P4HA2: variants seen among roughly 807,000 people sequenced by gnomAD.
P4HA2 encodes the protein prolyl 4-hydroxylase subunit alpha-2.
Under a neutral mutation model 76.9 loss-of-function variants are expected in P4HA2, and 46 were observed. The observed-to-expected ratio is 0.60, with a 90% CI of 0.47 to 0.76. The LOEUF is 0.76. P4HA2 is among the 30% of genes least tolerant of loss of function. P4HA2 has a pLI of 0.00. For synonymous variants in P4HA2, 243 were observed against 254.0 expected, an observed-to-expected ratio of 0.96 and a Z score of 0.41; for missense variants, 583 against 669.4, an observed-to-expected ratio of 0.87 and a Z score of 1.42.
intron 9 of P4HA2, 65 bp from the exon 10 acceptor site, chr5:132,203,912 T>A: frequency 7.7e-7 from 1 of 1,304,892 alleles, no homozygotes; most frequent in Non-Finnish European, 1.1e-6. Flanking sequence ...GGTCCTGAAC[T>A]CTGTCCCCAG....
At chr5:132,206,058 G>A (rs1261527120) in intron 8 of P4HA2, among the ~76,000 whole-genome samples, 1 of 152,120 alleles carries the variant, frequency 6.6e-6, no homozygotes, top group Admixed American at 6.5e-5. Context: ...TAGAAGCCAT[G>A]TTAAGAGCCA....
At chr5:132,204,739 C>T (rs778797499) in intron 8 of P4HA2, among the ~76,000 whole-genome samples, 1 of 152,208 alleles carries the variant, frequency 6.6e-6, no homozygotes, top group Non-Finnish European at 1.5e-5. Context: ...CCCTTGGGAT[C>T]CTTACAAGTC....
chr5:132,195,830 A>T (rs557875283), intron 12 of P4HA2: 32 of 339,560 alleles, frequency 9.4e-5, no homozygotes, highest in African/African-American at 6.5e-4. Context: ...TGCCTAAGCC[A>T]CTGTACTCTG....
Position 132,192,985 on chromosome 5 carries a change from G to A in P4HA2, c.*25C>T, listed in dbSNP as rs745633907. 4.6e-6 allele frequency: 7 copies of A among 1,505,930 alleles called. No homozygotes were observed. The South Asian group carries it at 6.8e-5, about 15-fold the overall frequency. The allele number at this position is 1,505,930 out of a possible 1,614,324, so 93.3% of individuals were successfully genotyped here. A position where few individuals can be genotyped will look rare whatever the true frequency, so the allele number is the denominator to read the frequency against. ...CACGTTGACATGGGCTGAAGGACCA[G>A]GAAGGGGAAGGACAGAAAAGGATGT... On this transcript the variant is annotated 3_prime_UTR_variant, in exon 15 of 15. Transcript: ENST00000360568.
At chr5:132,199,002 G>A (rs537249971) in intron 10 of P4HA2, 70 bp from the exon 11 acceptor site, 1 of 1,055,966 alleles carries the variant, frequency 9.5e-7, no homozygotes, top group East Asian at 2.4e-5. Flanking sequence ...TCACTCTAGG[G>A]ATACCATCTT....
At chr5:132,218,491 T>C (rs1055844499) in intron 2 of P4HA2, 54 bp downstream of exon 2, 1 of 1,228,942 alleles carries the variant, frequency 8.1e-7, no homozygotes, top group Admixed American at 1.7e-5. Flanking sequence ...GCCAGAGACA[T>C]CCGTGGCATG....
chr5:132,207,786 G>A lies in P4HA2; in HGVS notation c.1002C>T (p.Asp334=), dbSNP rs972004734. The A allele has an allele frequency of 2.5e-6, 4 of 1,613,476 alleles. No individual in the cohort carries two copies. The highest frequency in any genetic ancestry group is 1.1e-5 in the South Asian group (1 of 91,010). ...IAPFKEEDEW[D]SPHIVRYYDV... is the part of the protein sequence containing the mutation. ...CGTAGTACCTGACGATGTGCGGGCT[G>A]TCCCACTCGTCCTCCTCTTTGAAGG... Residue 334 remains aspartate, a synonymous_variant, in exon 8 of 15, where the codon GAC becomes GAT. Coordinates refer to ENST00000360568, the MANE Select transcript of P4HA2 (RefSeq NM_001017974.2).
chr5:132,205,403 G>A (rs1196801214), intron 8 of P4HA2, among the ~76,000 whole-genome samples: 1 of 152,162 alleles, frequency 6.6e-6, no homozygotes, highest in Non-Finnish European at 1.5e-5. Flanking sequence ...GACAAGCAGG[G>A]GCTAGGAACT....
Position 132,210,614 on chromosome 5 carries a change from T to C in P4HA2, c.470-91A>G, listed in dbSNP as rs541189493. 6.1e-6 allele frequency: 8 copies of C among 1,301,088 alleles called. No individual in the cohort carries two copies. The African/African-American group carries it at 7.3e-5, about 12-fold the overall frequency. 80.6% of individuals were successfully genotyped at this position (1,301,088 alleles called of 1,614,324 possible). A position where few individuals can be genotyped will look rare whatever the true frequency, so the allele number is the denominator to read the frequency against. On this transcript the variant is annotated intron_variant, in intron 5 of 14. Coordinates refer to ENST00000360568, the MANE Select transcript of P4HA2 (RefSeq NM_001017974.2). ...TTCAAGGAAAGCCTGAGCCACTGGA[T>C]AGGGGGCATCACCAAGCAGAACTCC...
At chr5:132,220,507 T>C (rs1754517333) in intron 1 of P4HA2, among the ~76,000 whole-genome samples, 1 of 152,198 alleles carries the variant, frequency 6.6e-6, no homozygotes, top group African/African-American at 2.4e-5. Flanking sequence ...ACCCAGCATC[T>C]CTACCCAGGT....
chr5:132,196,359 C>T (rs1750646260), intron 12 of P4HA2, among the ~76,000 whole-genome samples: 1 of 152,162 alleles, frequency 6.6e-6, no homozygotes, highest in African/African-American at 2.4e-5. Flanking sequence ...TCCAGACACA[C>T]CAGCCTTTTT....
intron 1 of P4HA2, among the ~76,000 whole-genome samples, chr5:132,223,762 A>T (rs1251129804): frequency 6.6e-6 from 1 of 152,234 alleles, no homozygotes; most frequent in Non-Finnish European, 1.5e-5. Context: ...TCCATTTCAG[A>T]TATAAGATAG....
chr5:132,213,390 T>A (rs960421325), intron 5 of P4HA2, among the ~76,000 whole-genome samples: 1 of 151,730 alleles, frequency 6.6e-6, no homozygotes, highest in African/African-American at 2.4e-5. Flanking sequence ...GGAGAAGAGA[T>A]GAATCAGCAG....
rs896272588 is a variant in P4HA2 at position 132,217,248 on chromosome 5, T to G, written c.280A>C (p.Asn94His). ...TCCTCCAGCGCAGGCCAGTCTGTGT[T>G]TAGCCGCTTCACCAGTTTGTAGGCA... The part of the protein sequence containing the change: ...VNAYKLVKRL[N>H]TDWPALEDLV... The change falls in exon 4 of 15, where the codon AAC becomes CAC. Residue 94 changes from asparagine (N) to histidine (H), a missense_variant. Transcript: ENST00000360568. The G allele has an allele frequency of 6.2e-7, 1 of 1,614,244 alleles. No individual in the cohort carries two copies. Among genetic ancestry groups the G allele is most frequent in the African/African-American group, 1.3e-5 (1 of 75,072 alleles).
At chr5:132,215,956 T>C (rs958114445) in intron 4 of P4HA2, among the ~76,000 whole-genome samples, 3 of 140,026 alleles carry the variant, frequency 2.1e-5, no homozygotes, top group Admixed American at 7.4e-5. Flanking sequence ...GGTCAAGAGA[T>C]CAAGAACATC....
At chr5:132,216,322 A>G (rs1753889578) in intron 4 of P4HA2, among the ~76,000 whole-genome samples, 1 of 152,360 alleles carries the variant, frequency 6.6e-6, no homozygotes, top group East Asian at 1.9e-4. Context: ...AGCACCAAGT[A>G]TAGTTTAAAG....
At chr5:132,207,976 GC>G (rs1752433868) in intron 7 of P4HA2, 92 bp from the exon 8 acceptor site, 1 of 941,590 alleles carries the variant, frequency 1.1e-6, no homozygotes, top group Non-Finnish European at 1.6e-6. Context: ...TCACCTCATG[GC>G]CAGCAGCTGC....
chr5:132,211,620 T>TG (rs34132804), intron 5 of P4HA2, among the ~76,000 whole-genome samples: 1 of 152,154 alleles, frequency 6.6e-6, no homozygotes, highest in African/African-American at 2.4e-5. Flanking sequence ...GGCCAGGGAC[T>TG]GGGGGGCTCC....
chr5:132,217,843 T>A lies in P4HA2; in HGVS notation c.88A>T (p.Met30Leu). The change falls in exon 3 of 15, where the codon ATG becomes TTG. Residue 30 changes from methionine to leucine, a missense_variant. Coordinates refer to ENST00000360568, the MANE Select transcript of P4HA2 (RefSeq NM_001017974.2). ...QAEFFTSIGHMTDLIYAEKEL... is the reference protein window; with the variant it reads ...QAEFFTSIGHLTDLIYAEKEL... ...TTCTCTGCATAAATCAGGTCAGTCA[T>A]GTGCCCTGCAAGGGAGAGAAGAAAG... is the stretch of plus-strand genomic sequence containing the variant. 1.2e-6 allele frequency: 2 copies of A among 1,602,786 alleles called. No homozygotes were observed. The highest frequency in any genetic ancestry group is 2.7e-5 in the African/African-American group (2 of 74,734).
Sources: gnomAD v4.1 joint callset for allele counts (sites outside exome capture counted in the v4.1 genomes callset) on GRCh38, gnomAD v4.1.1 for gene constraint, MANE v1.5 for transcripts, NCBI Gene and HGNC (gene_info 2026-07-23, HGNC 2026-07-21) for gene names.